Variants in CNTNAP2 observed in about 807,000 individuals in gnomAD.
CNTNAP2 encodes contactin-associated protein-like 2.
In CNTNAP2, 98 loss-of-function variants were observed where a neutral mutation model predicts 155.2. The ratio of observed to expected loss-of-function variants is 0.63; its 90% CI spans 0.54 to 0.75. The LOEUF is 0.75. CNTNAP2 is among the 30% of genes least tolerant of loss of function. The pLI is 0.00. For synonymous variants in CNTNAP2, 651 were observed against 631.2 expected (o/e 1.03, Z -0.47); for missense variants, 1,727 against 1,688.1 (o/e 1.02, Z -0.40).
Position 147,387,585 on chromosome 7 carries a change from T to C in CNTNAP2, c.1499-8024T>C, listed in dbSNP as rs182100757. Among the ~76,000 whole-genome samples the C allele has an allele frequency of 1.6e-4, 24 of 152,252 alleles. 1 individual carries two copies. In the East Asian group the frequency reaches 4.5e-3, roughly 28 times the overall value. ...CCCCTTTGAAATTAATAAACATATA[T>C]ATTTTTAAAATTGGGGTACTTGGTG... is the stretch of plus-strand genomic sequence containing the variant. On this transcript the variant is annotated intron_variant, in intron 9 of 23. Coordinates refer to ENST00000361727, the MANE Select transcript of CNTNAP2 (RefSeq NM_014141.6).
At chr7:147,329,451 G>A (rs1183339180) in intron 9 of CNTNAP2, among the ~76,000 whole-genome samples, 1 of 151,906 alleles carries the variant, frequency 6.6e-6, no homozygotes, top group Non-Finnish European at 1.5e-5. Flanking sequence ...TAGAATAATG[G>A]TAGAAGTTGT....
chr7:148,017,707 G>A (rs918563400), intron 15 of CNTNAP2, among the ~76,000 whole-genome samples: 7 of 152,284 alleles, frequency 4.6e-5, no homozygotes, highest in Non-Finnish European at 7.3e-5. Context: ...AAGATCTTCC[G>A]CTATGGAGAT....
intron 9 of CNTNAP2, among the ~76,000 whole-genome samples, chr7:147,383,502 T>A (rs1796574082): frequency 6.6e-6 from 1 of 152,176 alleles, no homozygotes; most frequent in Non-Finnish European, 1.5e-5. Flanking sequence ...TACATGTGCA[T>A]ATGTCTTTAT....
At chr7:146,662,962 C>T (rs1032274052) in intron 1 of CNTNAP2, among the ~76,000 whole-genome samples, 2 of 152,194 alleles carry the variant, frequency 1.3e-5, no homozygotes, top group East Asian at 3.9e-4. Context: ...AAATTGTCTT[C>T]ATTGCATAAC....
chr7:147,152,994 G>C (rs1801855732), intron 8 of CNTNAP2, among the ~76,000 whole-genome samples: 1 of 151,984 alleles, frequency 6.6e-6, no homozygotes, highest in African/African-American at 2.4e-5. Context: ...GTGTGGATCA[G>C]AGTAGAGCTC....
chr7:146,792,434 C>G (rs1802691314), intron 2 of CNTNAP2, among the ~76,000 whole-genome samples: 1 of 152,066 alleles, frequency 6.6e-6, no homozygotes, highest in South Asian at 2.1e-4. Context: ...ACCAAGATAC[C>G]AACATTGATC....
At chr7:146,698,379 G>T (rs1168885766) in intron 1 of CNTNAP2, among the ~76,000 whole-genome samples, 2 of 152,058 alleles carry the variant, frequency 1.3e-5, no homozygotes, top group Non-Finnish European at 2.9e-5. Flanking sequence ...ATTTTTCTGA[G>T]AAAGTCATTA....
At chr7:147,905,098 G>A (rs1463629252) in intron 14 of CNTNAP2, among the ~76,000 whole-genome samples, 3 of 152,152 alleles carry the variant, frequency 2.0e-5, no homozygotes, top group Non-Finnish European at 4.4e-5. Flanking sequence ...AGGCACTGGG[G>A]ATAAAATACC....
intron 15 of CNTNAP2, among the ~76,000 whole-genome samples, chr7:148,106,507 T>G (rs1281917198): frequency 2.7e-5 from 4 of 146,482 alleles, no homozygotes; most frequent in South Asian, 2.1e-4. Context: ...TATATATATA[T>G]ATATATATAT....
intron 13 of CNTNAP2, among the ~76,000 whole-genome samples, chr7:147,709,778 G>A (rs894323616): frequency 4.6e-5 from 7 of 152,114 alleles, no homozygotes; most frequent in African/African-American, 1.7e-4. Context: ...ATTTTGGGAT[G>A]AATTATTCAT....
At chr7:148,388,595 G>A (rs1025920391) in intron 22 of CNTNAP2, among the ~76,000 whole-genome samples, 9 of 152,088 alleles carry the variant, frequency 5.9e-5, no homozygotes, top group Non-Finnish European at 1.3e-4. Context: ...AATAGTGGAG[G>A]AGGAGAGGTG....
intron 3 of CNTNAP2, among the ~76,000 whole-genome samples, chr7:147,026,189 A>G (rs1195206239): frequency 1.3e-5 from 2 of 152,160 alleles, no homozygotes; most frequent in Non-Finnish European, 2.9e-5. Context: ...ATGTATTTAC[A>G]TTGTTTGAAA....
intron 10 of CNTNAP2, among the ~76,000 whole-genome samples, chr7:147,414,090 C>T (rs1182400432): frequency 6.6e-6 from 1 of 152,090 alleles, no homozygotes; most frequent in Non-Finnish European, 1.5e-5. Context: ...TACATATTAG[C>T]AATGGAAACA....
chr7:146,836,539 A>G (rs1332773342), intron 2 of CNTNAP2, among the ~76,000 whole-genome samples: 1 of 152,222 alleles, frequency 6.6e-6, no homozygotes, highest in Non-Finnish European at 1.5e-5. Context: ...ACAGCATAAC[A>G]TATTTCCTGT....
chr7:146,557,671 G>T lies in CNTNAP2; in HGVS notation c.98-216600G>T, dbSNP rs567117128. Among the ~76,000 whole-genome samples the T allele has an allele frequency of 7.3e-5, 11 of 151,318 alleles. 1 individual carries two copies. In the South Asian group the frequency reaches 2.3e-3, roughly 31 times the overall value. On this transcript the variant is annotated intron_variant, in intron 1 of 23. Transcript: ENST00000361727. ...CCTACGTGTCTTAATATTCAGTCTA[G>T]GAGACTTGCCAGTACCCAGTGCTTC... is the stretch of plus-strand genomic sequence containing the variant.
chr7:148,147,452 GA>G (rs1341796882), intron 16 of CNTNAP2, 38 bp from the exon 17 acceptor site: 7 of 1,594,332 alleles, frequency 4.4e-6, no homozygotes, highest in Non-Finnish European at 6.0e-6. Context: ...GTATCTGGGA[GA>G]AAAATACTCA....
At chr7:146,559,003 C>A (rs1798241229) in intron 1 of CNTNAP2, among the ~76,000 whole-genome samples, 1 of 151,958 alleles carries the variant, frequency 6.6e-6, no homozygotes, top group African/African-American at 2.4e-5. Flanking sequence ...GCCAACTGTC[C>A]CATAAAACTA....
chr7:148,188,293 A>T (rs1475861139), intron 18 of CNTNAP2, among the ~76,000 whole-genome samples: 3 of 152,132 alleles, frequency 2.0e-5, no homozygotes, highest in Admixed American at 2.0e-4. Context: ...TGGTAATACC[A>T]TCTCTTTAAT....
At chr7:147,002,780 G>T (rs1042057309) in intron 3 of CNTNAP2, among the ~76,000 whole-genome samples, 14 of 151,712 alleles carry the variant, frequency 9.2e-5, no homozygotes, top group African/African-American at 2.7e-4. Context: ...GCTCTATTGG[G>T]TCTCTTCATT....
Sources: allele counts gnomAD v4.1 joint callset (sites outside exome capture counted in the v4.1 genomes callset), GRCh38; gene constraint gnomAD v4.1.1; transcripts MANE v1.5; gene names NCBI Gene and HGNC (gene_info 2026-07-23, HGNC 2026-07-21).